Variants in KRT80 observed in about 807,000 individuals in gnomAD.
KRT80 encodes keratin, type II cytoskeletal 80.
In KRT80, 36 loss-of-function variants were observed where a neutral mutation model predicts 51.5. The ratio of observed to expected loss-of-function variants is 0.70; its 90% CI spans 0.54 to 0.92. The LOEUF is 0.92. KRT80 is among the 40% of genes least tolerant of loss of function. The pLI is 0.00. For synonymous variants in KRT80, 235 were observed against 248.3 expected, an observed-to-expected ratio of 0.95 and a Z score of 0.50; for missense variants, 566 against 591.7, an observed-to-expected ratio of 0.96 and a Z score of 0.45.
chr12:52,188,803 C>T (rs1035898038), intron 1 of KRT80, among the ~76,000 whole-genome samples: 1 of 152,202 alleles, frequency 6.6e-6, no homozygotes, highest in African/African-American at 2.4e-5. Context: ...CCTCTGTTGT[C>T]TGTGTGTGCG....
At chr12:52,189,922 GT>G (rs2120951227) in intron 1 of KRT80, among the ~76,000 whole-genome samples, 1 of 152,334 alleles carries the variant, frequency 6.6e-6, no homozygotes, top group East Asian at 1.9e-4. Flanking sequence ...CAGTGCTGGC[GT>G]TTGAGGGAGA....
chr12:52,172,657 C>T (rs989843639), intron 6 of KRT80, among the ~76,000 whole-genome samples: 1 of 152,200 alleles, frequency 6.6e-6, no homozygotes, highest in African/African-American at 2.4e-5. Context: ...CCTGTCCCGG[C>T]TGTCCTTATG....
At chr12:52,176,802 T>A (rs1186351891) in intron 4 of KRT80, among the ~76,000 whole-genome samples, 1 of 152,200 alleles carries the variant, frequency 6.6e-6, no homozygotes, top group Non-Finnish European at 1.5e-5. Flanking sequence ...ATTAGTTGAG[T>A]AACCCTGGTC....
Position 52,180,600 on chromosome 12 carries a change from A to C in KRT80, c.579T>G (p.Asp193Glu). 6.6e-7 allele frequency: 1 copy of C among 1,509,196 alleles called. No individual in the cohort carries two copies. 93.5% of individuals were successfully genotyped at this position (1,509,196 alleles called of 1,614,324 possible). A position where few individuals can be genotyped will look rare whatever the true frequency, so the allele number is the denominator to read the frequency against. The change falls in exon 4 of 9, where the codon GAT (aspartate) becomes GAG (glutamate). Residue 193 changes from aspartate to glutamate, a missense_variant. Asp to Glu is a conservative substitution (Grantham distance 45, BLOSUM62 2). Transcript: ENST00000394815. Reference sequence around the variant, plus strand: ...GTTCAGTCCGATGAAGACACTCTGCATCCAGGTCCTGGGGTTGGCAGCAGT... The same window carrying C: ...GTTCAGTCCGATGAAGACACTCTGCCTCCAGGTCCTGGGGTTGGCAGCAGT... Reference protein sequence around the residue: ...FTFVQLKKDLDAECLHRTELE... With the variant: ...FTFVQLKKDLEAECLHRTELE...
intron 2 of KRT80, among the ~76,000 whole-genome samples, chr12:52,181,778 T>A (rs1038440027): frequency 2.6e-5 from 4 of 152,256 alleles, no homozygotes; most frequent in Non-Finnish European, 4.4e-5. Flanking sequence ...ACCCTCTTCC[T>A]CAAGTCAAGA....
At chr12:52,185,081 G>A (rs1023335829) in intron 2 of KRT80, among the ~76,000 whole-genome samples, 5 of 152,222 alleles carry the variant, frequency 3.3e-5, no homozygotes, top group Non-Finnish European at 7.4e-5. Flanking sequence ...CTCGAGGCAG[G>A]GGGTGCGGGT....
intron 4 of KRT80, among the ~76,000 whole-genome samples, chr12:52,175,944 A>C (rs1186550048): frequency 6.6e-6 from 1 of 152,088 alleles, no homozygotes; most frequent in Non-Finnish European, 1.5e-5. Context: ...GTTTTGGTTG[A>C]CACATTGTGG....
In KRT80 at chr12:52,185,363, A is replaced by G; in HGVS notation, c.509+16T>C. On this transcript the variant is annotated intron_variant, in intron 2 of 8. Coordinates refer to ENST00000394815, the MANE Select transcript of KRT80 (RefSeq NM_182507.3). The stretch of plus-strand genomic sequence containing the variant: ...CCCTCAGGCCTTGCTCATGGCTCTC[A>G]TGGGGCTCTACGTACCTGATTCGAA... 5 of 1,596,790 alleles carry G rather than the reference A, an allele frequency of 3.1e-6. No individual in the cohort carries two copies. The South Asian group carries it at 3.4e-5, about 11-fold the overall frequency.
chr12:52,173,276 A>C, intron 5 of KRT80, 113 bp from the exon 6 acceptor site: 1 of 1,327,176 alleles, frequency 7.5e-7, no homozygotes, highest in South Asian at 1.6e-5. Context: ...TCTGCAGCCC[A>C]CCACGCCACG....
chr12:52,185,243 C>T, intron 2 of KRT80, 136 bp downstream of exon 2: 1 of 847,662 alleles, frequency 1.2e-6, no homozygotes, highest in East Asian at 2.5e-5. Flanking sequence ...ACATACCAGT[C>T]CCTCAATAAA....
chr12:52,173,309 TC>T (rs1941152208), intron 5 of KRT80, 146 bp from the exon 6 acceptor site: 1 of 1,096,768 alleles, frequency 9.1e-7, no homozygotes, highest in South Asian at 1.8e-5. Flanking sequence ...AGCTCCCCCT[TC>T]CACCTCCCTT....
At chr12:52,181,032 T>TG (rs1410892757) in intron 2 of KRT80, 69 bp from the exon 3 acceptor site, 1 of 1,288,582 alleles carries the variant, frequency 7.8e-7, no homozygotes, top group Non-Finnish European at 1.1e-6. Flanking sequence ...TCCCCTTGGT[T>TG]GGGGCTCAGG....
chr12:52,184,627 G>C (rs1395130580), intron 2 of KRT80, among the ~76,000 whole-genome samples: 1 of 152,212 alleles, frequency 6.6e-6, no homozygotes, highest in Non-Finnish European at 1.5e-5. Flanking sequence ...AAGAAACTGA[G>C]GTTCAGATAT....
In KRT80 at chr12:52,171,441, A is replaced by G. The variant is rs1941099160; in HGVS notation, c.1316T>C (p.Met439Thr). The G allele has an allele frequency of 1.9e-6, 3 of 1,612,096 alleles. No homozygotes were observed. Among genetic ancestry groups the G allele is most frequent in the Non-Finnish European group, 2.5e-6 (3 of 1,179,172 alleles). ...SKGPVIKITE[M>T]SEKYFSQESE... is the part of the protein sequence containing the mutation. ...CTCCTGCGAGAAGTACTTCTCTGAC[A>G]TTTCGGTGATTTTGATCACGGGGCC... The change falls in exon 9 of 9, where the codon ATG (methionine) becomes ACG (threonine). Residue 439 changes from methionine to threonine, a missense_variant. Met to Thr is a moderately conservative substitution (Grantham distance 81). Transcript: ENST00000394815.
intron 1 of KRT80, among the ~76,000 whole-genome samples, chr12:52,187,870 C>T (rs191936633): frequency 1.7e-3 from 258 of 152,296 alleles, no homozygotes; most frequent in Non-Finnish European, 2.9e-3. Flanking sequence ...ATGTGAGGCT[C>T]CTTCCTCCAC....
At chr12:52,181,096 C>A in intron 2 of KRT80, 133 bp from the exon 3 acceptor site, 1 of 584,414 alleles carries the variant, frequency 1.7e-6, no homozygotes, top group South Asian at 3.0e-5. Flanking sequence ...AGCAGCCCAT[C>A]CTTCTCCCTC....
intron 2 of KRT80, among the ~76,000 whole-genome samples, chr12:52,185,175 G>A (rs1169334624): frequency 6.6e-6 from 1 of 152,240 alleles, no homozygotes. Flanking sequence ...GTTGCTATTA[G>A]GGAGGGGGCG....
At chr12:52,189,731 C>T (rs1055084024) in intron 1 of KRT80, among the ~76,000 whole-genome samples, 2 of 152,250 alleles carry the variant, frequency 1.3e-5, no homozygotes, top group African/African-American at 4.8e-5. Flanking sequence ...CCCACAGCTC[C>T]CTGTGTCCCA....
At chr12:52,180,759 G>A (rs764432419) in intron 3 of KRT80, 144 bp downstream of exon 3, 8 of 1,585,934 alleles carry the variant, frequency 5.0e-6, no homozygotes, top group Middle Eastern at 1.7e-4. Context: ...ATGGGGATGG[G>A]GGTATCTCCC....
Sources: gnomAD v4.1 joint callset for allele counts (sites outside exome capture counted in the v4.1 genomes callset) on GRCh38, gnomAD v4.1.1 for gene constraint, MANE v1.5 for transcripts, NCBI Gene and HGNC (gene_info 2026-07-23, HGNC 2026-07-21) for gene names.